The following ADAM22 variants were observed in gnomAD, a reference collection of about 807,000 sequenced individuals.
ADAM22 encodes the protein ADAM metallopeptidase domain 22.
Under a neutral mutation model 144.6 loss-of-function variants are expected in ADAM22, and 65 were observed. That is an observed-to-expected ratio of 0.45 (90% CI 0.37 to 0.55). The LOEUF (loss-of-function observed/expected upper bound fraction) is 0.55, where lower values mean the gene tolerates loss of function less well. ADAM22 is among the 20% of genes least tolerant of loss of function. The pLI is 0.00. For missense variants in ADAM22, 974 were observed against 1,184.9 expected, an observed-to-expected ratio of 0.82 and a Z score of 2.61; for synonymous variants, 391 against 412.6, an observed-to-expected ratio of 0.95 and a Z score of 0.63.
chr7:88,079,811 T>C (rs145869770), intron 4 of ADAM22, among the ~76,000 whole-genome samples: 356 of 152,280 alleles, frequency 2.3e-3, no homozygotes, highest in African/African-American at 8.4e-3. Context: ...CCTAAATATA[T>C]ATGCACTCAA....
rs868328710 is a variant in ADAM22 at position 88,199,430 on chromosome 7, G to A, written c.*2939G>A. The A allele has an allele frequency of 4.6e-5, 7 of 152,308 alleles. 1 individual carries two copies. The South Asian group carries it at 1.2e-3, about 27-fold the overall frequency. The allele number at this position is 152,308 out of a possible 1,614,324, so 9.4% of individuals were successfully genotyped here. ...AACCCTGATTTAAAGGAACATTTAA[G>A]TCTCTCCAGTAAGTGTGAACAGGAA... On this transcript the variant is annotated 3_prime_UTR_variant, in exon 32 of 32. Coordinates refer to ENST00000413139, the MANE Select transcript of ADAM22 (RefSeq NM_001324418.2).
At chr7:88,145,976 G>A (rs1162878491) in intron 17 of ADAM22, among the ~76,000 whole-genome samples, 3 of 152,142 alleles carry the variant, frequency 2.0e-5, no homozygotes, top group Non-Finnish European at 2.9e-5. Flanking sequence ...AGTACTTTGA[G>A]ACATGATAAT....
chr7:87,991,348 C>G (rs1361121741), intron 3 of ADAM22, among the ~76,000 whole-genome samples: 2 of 138,092 alleles, frequency 1.4e-5, no homozygotes, highest in Non-Finnish European at 3.0e-5. Flanking sequence ...CTATCACTAG[C>G]CTTATTTTTT....
chr7:88,139,211 A>C (rs1441650337), intron 14 of ADAM22, among the ~76,000 whole-genome samples: 1 of 152,162 alleles, frequency 6.6e-6, no homozygotes, highest in Non-Finnish European at 1.5e-5. Context: ...TGAGGTCAGG[A>C]GTTCGAGACC....
chr7:87,935,285 G>A, intron 2 of ADAM22, 99 bp downstream of exon 2: 2 of 1,342,690 alleles, frequency 1.5e-6, no homozygotes, highest in South Asian at 1.5e-5. Flanking sequence ...TGTCTTCTTG[G>A]GTGAAATGAG....
intron 2 of ADAM22, among the ~76,000 whole-genome samples, chr7:87,975,954 G>A (rs777731800): frequency 2.0e-5 from 3 of 152,142 alleles, no homozygotes; most frequent in Non-Finnish European, 4.4e-5. Flanking sequence ...TTAGGTAGAG[G>A]GAGTGATGTT....
intron 2 of ADAM22, among the ~76,000 whole-genome samples, chr7:87,947,004 G>T (rs887895587): frequency 6.6e-6 from 1 of 152,090 alleles, no homozygotes; most frequent in Non-Finnish European, 1.5e-5. Flanking sequence ...CTAAACATTG[G>T]ATACTCATGG....
chr7:88,007,469 G>A (rs1421871529), intron 3 of ADAM22, among the ~76,000 whole-genome samples: 2 of 152,140 alleles, frequency 1.3e-5, no homozygotes, highest in African/African-American at 4.8e-5. Flanking sequence ...GAACAAAGCT[G>A]GAGGCATCAA....
intron 3 of ADAM22, among the ~76,000 whole-genome samples, chr7:88,011,719 T>G (rs1019107285): frequency 1.5e-5 from 2 of 134,578 alleles, no homozygotes; most frequent in East Asian, 4.2e-4. Context: ...TCTCTTTCTC[T>G]CTCTCTCTCT....
At chr7:88,079,070 G>GAA (rs1249435241) in intron 4 of ADAM22, among the ~76,000 whole-genome samples, 2 of 152,088 alleles carry the variant, frequency 1.3e-5, no homozygotes, top group East Asian at 3.9e-4. Flanking sequence ...TGAAATGAAG[G>GAA]AAAAAATGTT....
intron 3 of ADAM22, among the ~76,000 whole-genome samples, chr7:88,038,390 C>G (rs1308889196): frequency 1.3e-5 from 2 of 151,696 alleles, no homozygotes; most frequent in African/African-American, 2.4e-5. Flanking sequence ...ACTGGAGCAT[C>G]CAAATATAAG....
chr7:88,001,577 G>A (rs1228694340), intron 3 of ADAM22, among the ~76,000 whole-genome samples: 1 of 151,998 alleles, frequency 6.6e-6, no homozygotes, highest in Non-Finnish European at 1.5e-5. Flanking sequence ...TTGAGAATGG[G>A]ATCAAGGCTC....
chr7:87,952,146 C>G (rs1845395852), intron 2 of ADAM22, among the ~76,000 whole-genome samples: 1 of 151,860 alleles, frequency 6.6e-6, no homozygotes, highest in Non-Finnish European at 1.5e-5. Flanking sequence ...CTTCTTCTGC[C>G]TAATTGCCCT....
At chr7:88,121,051 C>A in intron 7 of ADAM22, among the ~76,000 whole-genome samples, 1 of 151,978 alleles carries the variant, frequency 6.6e-6, no homozygotes, top group East Asian at 1.9e-4. Flanking sequence ...GTTTTGATGT[C>A]TTTGTTAAAA....
intron 3 of ADAM22, among the ~76,000 whole-genome samples, chr7:88,014,515 A>T (rs923568522): frequency 6.6e-6 from 1 of 152,092 alleles, no homozygotes; most frequent in Non-Finnish European, 1.5e-5. Context: ...GGCTGAGGCG[A>T]GTAGAGCACC....
intron 4 of ADAM22, among the ~76,000 whole-genome samples, chr7:88,081,216 A>G (rs1311960316): frequency 6.6e-6 from 1 of 152,230 alleles, no homozygotes; most frequent in Admixed American, 6.5e-5. Flanking sequence ...AATCCAGCAT[A>G]TAGACAGAAC....
chr7:87,973,258 C>G (rs1373375323), intron 2 of ADAM22, among the ~76,000 whole-genome samples: 1 of 151,320 alleles, frequency 6.6e-6, no homozygotes, highest in Non-Finnish European at 1.5e-5. Context: ...AAAAACAAAC[C>G]CATCAAAAAG....
At position 88,113,678 on chromosome 7, in the gene ADAM22, T is replaced by A. The variant is rs1055670111; in HGVS notation, c.474-906T>A. Among the ~76,000 whole-genome samples the A allele has an allele frequency of 2.4e-3, 254 of 103,762 alleles. 2 individuals carry two copies. The highest frequency in any genetic ancestry group is 0.01 in the African/African-American group (242 of 24,098). The allele number at this position is 103,762 out of a possible 152,430, so 68.1% of individuals were successfully genotyped here. ...TGTGTGTGTGTATATATATATATAA[T>A]ATATATATTATAAATAAATAAATAA... On this transcript the variant is annotated intron_variant, in intron 5 of 31. Transcript: ENST00000413139.
intron 3 of ADAM22, among the ~76,000 whole-genome samples, chr7:88,070,764 A>G (rs1167292183): frequency 2.0e-5 from 3 of 152,136 alleles, no homozygotes; most frequent in Non-Finnish European, 2.9e-5. Context: ...TGAGATGCCT[A>G]TTTGACATCC....
Sources: allele counts gnomAD v4.1 joint callset (sites outside exome capture counted in the v4.1 genomes callset), GRCh38; gene constraint gnomAD v4.1.1; transcripts MANE v1.5; gene names NCBI Gene and HGNC (gene_info 2026-07-23, HGNC 2026-07-21).